NIN: variants seen among roughly 807,000 people sequenced by gnomAD.
NIN encodes the protein ninein.
In NIN, 137 loss-of-function variants were observed where a neutral mutation model predicts 257.6. The ratio of observed to expected loss-of-function variants is 0.53; its 90% confidence interval spans 0.46 to 0.61. The LOEUF (loss-of-function observed/expected upper bound fraction) is 0.61. Ranked by LOEUF, NIN falls within the 20% of genes least tolerant of loss-of-function variation. The pLI is 0.00. For missense variants in NIN, 2,439 were observed against 2,501.2 expected, an observed-to-expected ratio of 0.98 and a Z score of 0.53; for synonymous variants, 918 against 919.8, an observed-to-expected ratio of 1.00 and a Z score of 0.04.
chr14:50,792,883 TGAGA>T lies in NIN; in HGVS notation c.266-6_266-3del. ...TGGGCTGAGCTTCTAGTGAGCAGTC[TGAGA>T]GAGGAGACAAGAGTTGAGGCCACAT... On this transcript the variant is annotated splice_polypyrimidine_tract_variant and splice_region_variant and intron_variant, in intron 4 of 30. Transcript: ENST00000530997. 3 of 1,614,156 alleles carry T rather than the reference TGAGA, an allele frequency of 1.9e-6. No homozygotes were observed. Among genetic ancestry groups the T allele is most frequent in the Non-Finnish European group, 2.5e-6 (3 of 1,179,988 alleles).
chr14:50,766,215 G>GACTT, intron 14 of NIN, 92 bp downstream of exon 14: 1 of 898,520 alleles, frequency 1.1e-6, no homozygotes. Context: ...CAGATGAAGT[G>GACTT]ACTTGCTTAG....
At chr14:50,770,646 C>A in intron 11 of NIN, 84 bp from the exon 12 acceptor site, 2 of 1,500,044 alleles carry the variant, frequency 1.3e-6, no homozygotes, top group Non-Finnish European at 9.1e-7. Context: ...AACACAGAGG[C>A]ACAGAGATGA....
intron 4 of NIN, among the ~76,000 whole-genome samples, chr14:50,805,474 T>A (rs1203407068): frequency 6.6e-6 from 1 of 151,950 alleles, no homozygotes; most frequent in Non-Finnish European, 1.5e-5. Flanking sequence ...GGTGTCACCA[T>A]CCCCGAAAAA....
intron 16 of NIN, 78 bp downstream of exon 16, chr14:50,761,711 AG>A: frequency 1.5e-5 from 23 of 1,530,368 alleles, no homozygotes; most frequent in Non-Finnish European, 2.1e-5. Flanking sequence ...ATGAGAAAAA[AG>A]AATTGGAAAT....
Position 50,821,850 on chromosome 14 carries a change from GCCACGTTCTTC to G in NIN, c.183+13_183+23del. ...CAGAAACCGCACCCCACTTCCCATAGCCACGTTCTTCCCCAGACCTTACCCTGCCCAAGAGG... is the reference window on the plus strand; with the variant it reads ...CAGAAACCGCACCCCACTTCCCATAGCCCAGACCTTACCCTGCCCAAGAGG... On this transcript the variant is annotated intron_variant, in intron 3 of 30. Coordinates refer to ENST00000530997, the MANE Select transcript of NIN (RefSeq NM_020921.4). 1 of 1,595,428 alleles carries G rather than the reference GCCACGTTCTTC, an allele frequency of 6.3e-7. No homozygotes were observed. The highest frequency in any genetic ancestry group is 1.3e-5 in the African/African-American group (1 of 74,696).
rs747011950 is a variant in NIN at position 50,758,147 on chromosome 14, C to T, written c.2883G>A (p.Ser961=). 11 of 1,614,066 alleles carry T rather than the reference C, an allele frequency of 6.8e-6. No individual in the cohort carries two copies. The highest frequency in any genetic ancestry group is 4.4e-5 in the South Asian group (4 of 91,086). The change falls in exon 18 of 31, where the codon TCG becomes TCA. Residue 961 remains serine (S), a synonymous_variant. Coordinates refer to ENST00000530997, the MANE Select transcript of NIN (RefSeq NM_020921.4). ...REEVLCQAGA[S]EQLASQRLER... is the part of the protein sequence containing the mutation. ...CCAGCCGCTGGCTGGCCAGCTGCTC[C>T]GAAGCCCCTGCCTGGCACAGGACCT...
chr14:50,790,772 G>T (rs559114295), intron 5 of NIN, among the ~76,000 whole-genome samples: 10 of 152,292 alleles, frequency 6.6e-5, no homozygotes, highest in Admixed American at 1.3e-4. Context: ...ATTTTACTGA[G>T]ACATAAGCCA....
At chr14:50,826,955 C>T (rs2045483428) in intron 2 of NIN, among the ~76,000 whole-genome samples, 2 of 152,152 alleles carry the variant, frequency 1.3e-5, no homozygotes, top group South Asian at 2.1e-4. Flanking sequence ...AGGCAGTGAC[C>T]ACCAGTGACT....
At chr14:50,754,494 T>C in intron 20 of NIN, 69 bp downstream of exon 20, 1 of 1,279,562 alleles carries the variant, frequency 7.8e-7, no homozygotes. Context: ...TGCTGTAAAT[T>C]TATAAATTTC....
intron 4 of NIN, among the ~76,000 whole-genome samples, chr14:50,804,908 C>T (rs2044254417): frequency 6.6e-6 from 1 of 152,202 alleles, no homozygotes; most frequent in East Asian, 1.9e-4. Flanking sequence ...AGCCCATGGG[C>T]CGTGGGTTGG....
chr14:50,735,574 T>C lies in NIN; in HGVS notation c.5819A>G (p.His1940Arg). The C allele has an allele frequency of 6.2e-7, 1 of 1,612,844 alleles. No homozygotes were observed. The highest frequency in any genetic ancestry group is 8.5e-7 in the Non-Finnish European group (1 of 1,180,006). Residue 1940 changes from histidine (H) to arginine (R), a missense_variant, in exon 28 of 31, where the codon CAT (histidine) becomes CGT (arginine). By Grantham distance (29) the His-to-Arg change is conservative. Around this residue, in one of 3 missense-constraint regions of NIN, gnomAD observed 2,043 missense variants for 2,050.2 expected, o/e 1.00. Transcript: ENST00000530997. ...CTTTTTCAGGCCTTCATTTTCCAAA[T>C]GAATTGTTTCTAATTCTTGTTCAAG... ...NSLEQELETIHLENEGLKKKQ... is the reference protein window; with the variant it reads ...NSLEQELETIRLENEGLKKKQ...
intron 4 of NIN, among the ~76,000 whole-genome samples, chr14:50,801,112 A>C (rs1484130962): frequency 8.3e-6 from 1 of 120,686 alleles, no homozygotes; most frequent in Non-Finnish European, 1.7e-5. Flanking sequence ...TTTTTTTGAG[A>C]CAGAGTCTCG....
chr14:50,781,504 G>C (rs1433265918), intron 5 of NIN, among the ~76,000 whole-genome samples: 1 of 152,228 alleles, frequency 6.6e-6, no homozygotes, highest in African/African-American at 2.4e-5. Context: ...AACATCTTAT[G>C]AGTCTATGAG....
Position 50,770,981 on chromosome 14 carries a change from T to A in NIN, c.1130A>T (p.Asp377Val), listed in dbSNP as rs2042706224. 1 of 1,613,872 alleles carries A rather than the reference T, an allele frequency of 6.2e-7. No individual in the cohort carries two copies. The highest frequency in any genetic ancestry group is 1.3e-5 in the African/African-American group (1 of 74,914). Residue 377 changes from aspartate to valine, a missense_variant, in exon 11 of 31, where the codon GAT becomes GTT. This residue lies in a region of NIN where 2,043 missense variants were observed against 2,050.2 expected (regional missense o/e 1.00). Transcript: ENST00000530997. ...CTTCTCTTTTTCTCTGACCACCTGA[T>A]CAACTCGTTCCCTAGGATCAGAAGT... The part of the protein sequence containing the change: ...AEIRHLLERV[D>V]QVVREKEKLR...
At chr14:50,783,934 C>T (rs1000927680) in intron 5 of NIN, among the ~76,000 whole-genome samples, 4 of 148,642 alleles carry the variant, frequency 2.7e-5, no homozygotes, top group South Asian at 2.1e-4. Context: ...ACGATTATCA[C>T]AAAAATCTTT....
intron 21 of NIN, among the ~76,000 whole-genome samples, chr14:50,750,881 T>C (rs886204983): frequency 6.6e-6 from 1 of 152,188 alleles, no homozygotes; most frequent in South Asian, 2.1e-4. Flanking sequence ...TCTAGCGCAT[T>C]CTCATTCCTC....
chr14:50,812,993 C>T (rs1276107177), intron 3 of NIN, among the ~76,000 whole-genome samples: 1 of 152,182 alleles, frequency 6.6e-6, no homozygotes, highest in Non-Finnish European at 1.5e-5. Flanking sequence ...ACACTGGGCC[C>T]TTGGATTTAA....
intron 2 of NIN, among the ~76,000 whole-genome samples, chr14:50,824,175 T>C (rs2045359008): frequency 6.6e-6 from 1 of 152,194 alleles, no homozygotes. Flanking sequence ...CACTTCCCTT[T>C]TTAAAAATTA....
intron 28 of NIN, among the ~76,000 whole-genome samples, chr14:50,730,495 C>T (rs1412347376): frequency 3.9e-5 from 6 of 152,062 alleles, no homozygotes; most frequent in South Asian, 2.1e-4. Context: ...ACTCAAGAAG[C>T]GGCACCTCCA....
Sources: allele counts gnomAD v4.1 joint callset (sites outside exome capture counted in the v4.1 genomes callset), GRCh38; gene constraint gnomAD v4.1.1; regional missense constraint gnomAD v4.1.1; transcripts MANE v1.5; gene names NCBI Gene and HGNC (gene_info 2026-07-23, HGNC 2026-07-21).